SLC27A3: variants seen among roughly 807,000 people sequenced by gnomAD.
SLC27A3 encodes the protein long-chain fatty acid transport protein 3.
A neutral mutation model predicts 60.1 loss-of-function variants in SLC27A3; 60 were observed. The ratio of observed to expected loss-of-function variants is 1.00; its 90% CI spans 0.81 to 1.24. SLC27A3 has a LOEUF of 1.24. SLC27A3 is among the 50% of genes most tolerant of loss of function. SLC27A3 has a pLI of 0.00. For missense variants in SLC27A3, 1,079 were observed against 929.9 expected, an observed-to-expected ratio of 1.16 and a Z score of -2.09; for synonymous variants, 455 against 409.0, an observed-to-expected ratio of 1.11 and a Z score of -1.36.
intron 3 of SLC27A3, 78 bp from the exon 4 acceptor site, chr1:153,777,683 G>A: frequency 6.4e-7 from 1 of 1,551,060 alleles, no homozygotes; most frequent in Non-Finnish European, 8.9e-7. Context: ...GATGGCTGGG[G>A]TCTGGAAAGA....
Position 153,776,182 on chromosome 1 carries a change from A to G in SLC27A3, c.667+18A>G. 1 of 1,413,016 alleles carries G rather than the reference A, an allele frequency of 7.1e-7. No homozygotes were observed. The highest frequency in any genetic ancestry group is 9.1e-7 in the Non-Finnish European group (1 of 1,093,810). 87.5% of individuals were successfully genotyped at this position (1,413,016 alleles called of 1,614,324 possible). On this transcript the variant is annotated intron_variant, in intron 1 of 9. Coordinates refer to ENST00000624995, the MANE Select transcript of SLC27A3 (RefSeq NM_024330.4). ...GGCGCCAGGTAAGGCTGGAGCTCCG[A>G]ACTGACTAAGGCGGGGCCAGCCACA...
chr1:153,778,758 C>A lies in SLC27A3; in HGVS notation c.1519C>A (p.Leu507Met). The A allele has an allele frequency of 6.2e-7, 1 of 1,614,000 alleles. No individual in the cohort carries two copies. The highest frequency in any genetic ancestry group is 8.5e-7 in the Non-Finnish European group (1 of 1,180,008). The change falls in exon 7 of 10, where the codon CTG becomes ATG. Residue 507 changes from leucine (L) to methionine (M), a missense_variant. Leu to Met is a conservative substitution (Grantham distance 15). Coordinates refer to ENST00000624995, the MANE Select transcript of SLC27A3 (RefSeq NM_024330.4). ...PFLGYAGGPE[L>M]AQGKLLKDVF... is the part of the protein sequence containing the mutation. ...CCTGGGCTATGCTGGCGGGCCAGAG[C>A]TGGCCCAGGGGAAGTTGCTAAAGGA...
intron 4 of SLC27A3, 130 bp from the exon 5 acceptor site, chr1:153,778,031 C>G (rs770497451): frequency 4.1e-6 from 6 of 1,464,816 alleles, no homozygotes; most frequent in Non-Finnish European, 5.5e-6. Context: ...ATGGCCTAGG[C>G]CATCTGATGC....
chr1:153,779,774 C>A, intron 9 of SLC27A3, 52 bp from the exon 10 acceptor site: 2 of 1,561,428 alleles, frequency 1.3e-6, no homozygotes, highest in Non-Finnish European at 1.8e-6. Flanking sequence ...CTCCCCTGAA[C>A]CACGTGGGCA....
rs777253486 is a variant in SLC27A3 at position 153,775,977 on chromosome 1, C to T, written c.480C>T (p.Ala160=). 6.9e-7 allele frequency: 1 copy of T among 1,440,056 alleles called. No individual in the cohort carries two copies. Among genetic ancestry groups the T allele is most frequent in the Non-Finnish European group, 9.1e-7 (1 of 1,103,504 alleles). 89.2% of individuals were successfully genotyped at this position (1,440,056 alleles called of 1,614,324 possible). ...GGDGAARGGG[A]AAPLSPGATV... Reference sequence around the variant, plus strand: ...ACGGTGCCGCCAGAGGTGGAGGAGCCGCCGCCCCTCTGTCACCTGGAGCAA... The same window carrying T: ...ACGGTGCCGCCAGAGGTGGAGGAGCTGCCGCCCCTCTGTCACCTGGAGCAA... Residue 160 remains alanine (A), a synonymous_variant, in exon 1 of 10, where the codon GCC becomes GCT. Transcript: ENST00000624995.
At chr1:153,778,578 G>A (rs1673363785) in intron 6 of SLC27A3, 25 bp downstream of exon 6, 1 of 1,611,696 alleles carries the variant, frequency 6.2e-7, no homozygotes, top group South Asian at 1.1e-5. Context: ...GGTGGGGTGG[G>A]CGGGGTGCTG....
At chr1:153,779,725 C>T in intron 9 of SLC27A3, 101 bp from the exon 10 acceptor site, 1 of 1,202,938 alleles carries the variant, frequency 8.3e-7, no homozygotes, top group Non-Finnish European at 1.2e-6. Context: ...ACCTCACACT[C>T]CCTTTCCCAA....
chr1:153,779,328 T>A lies in SLC27A3; in HGVS notation c.1745-15T>A. 2 of 1,613,612 alleles carry A rather than the reference T, an allele frequency of 1.2e-6. No homozygotes were observed. Among genetic ancestry groups the A allele is most frequent in the East Asian group, 4.5e-5 (2 of 44,864 alleles). On this transcript the variant is annotated splice_polypyrimidine_tract_variant and intron_variant, in intron 8 of 9. Transcript: ENST00000624995. ...CAGCCATGGAGGGGCTTACTCTGTC[T>A]CCCACACCCACCAGGGCATGAAGGC...
In SLC27A3 at chr1:153,779,912, A is replaced by G. The variant is rs749867600; in HGVS notation, c.1962A>G (p.Pro654=). The change falls in exon 10 of 10, where the codon CCA becomes CCG. Residue 654 remains proline, a synonymous_variant. Coordinates refer to ENST00000624995, the MANE Select transcript of SLC27A3 (RefSeq NM_024330.4). ...TCGACCCCAGCACCCTGTCTGACCC[A>G]CTGTACGTTCTGGACCAGGCTGTAG... ...EGFDPSTLSD[P]LYVLDQAVGA... 3.8e-5 allele frequency: 61 copies of G among 1,613,722 alleles called. No individual in the cohort carries two copies. The highest frequency in any genetic ancestry group is 5.1e-5 in the Non-Finnish European group (60 of 1,179,994).
In SLC27A3 at chr1:153,778,902, G is replaced by C. The variant is rs757708496; in HGVS notation, c.1646+17G>C. The C allele has an allele frequency of 6.2e-7, 1 of 1,612,202 alleles. No homozygotes were observed. The highest frequency in any genetic ancestry group is 8.5e-7 in the Non-Finnish European group (1 of 1,178,354). Reference sequence around the variant, plus strand: ...CACCTTCAGGTATCTGTCCATAACTGGTTTTTCATCCTGGACATCTGATCT... The same window carrying C: ...CACCTTCAGGTATCTGTCCATAACTCGTTTTTCATCCTGGACATCTGATCT... On this transcript the variant is annotated intron_variant, in intron 7 of 9. Coordinates refer to ENST00000624995, the MANE Select transcript of SLC27A3 (RefSeq NM_024330.4).
intron 3 of SLC27A3, 33 bp downstream of exon 3, chr1:153,777,253 A>G: frequency 6.2e-7 from 1 of 1,612,100 alleles, no homozygotes; most frequent in Non-Finnish European, 8.5e-7. Flanking sequence ...TCATTAATTC[A>G]TCCAGTAGAC....
At position 153,778,893 on chromosome 1, in the gene SLC27A3, T is replaced by G. The variant is rs201053090; in HGVS notation, c.1646+8T>G. 20 of 1,613,624 alleles carry G rather than the reference T, an allele frequency of 1.2e-5. No homozygotes were observed. In the East Asian group the frequency reaches 4.2e-4, roughly 34 times the overall value. The stretch of plus-strand genomic sequence containing the variant: ...TACTGGAGACACCTTCAGGTATCTG[T>G]CCATAACTGGTTTTTCATCCTGGAC... On this transcript the variant is annotated splice_region_variant and intron_variant, in intron 7 of 9. Transcript: ENST00000624995.
At chr1:153,777,017 G>A in intron 2 of SLC27A3, 45 bp from the exon 3 acceptor site, 1 of 1,602,278 alleles carries the variant, frequency 6.2e-7, no homozygotes, top group South Asian at 1.1e-5. Flanking sequence ...GGTAGAGCTT[G>A]GAGTTTGCCC....
In SLC27A3 at chr1:153,775,997, G is replaced by T; in HGVS notation, c.500G>T (p.Gly167Val). 6.9e-7 allele frequency: 1 copy of T among 1,450,934 alleles called. No individual in the cohort carries two copies. The allele number at this position is 1,450,934 out of a possible 1,614,324, so 89.9% of individuals were successfully genotyped here. ...GGGAAAPLSP[G>V]ATVALLLPAG... ...GGAGCCGCCGCCCCTCTGTCACCTG[G>T]AGCAACTGTGGCGCTGCTCCTCCCC... The change falls in exon 1 of 10, where the codon GGA (glycine) becomes GTA (valine). Residue 167 changes from glycine (G) to valine (V), a missense_variant. Physicochemically the swap from Gly to Val is moderately radical, Grantham distance 109. Transcript: ENST00000624995.
At position 153,778,685 on chromosome 1, in the gene SLC27A3, A is replaced by G. The variant is rs1190443217; in HGVS notation, c.1448-2A>G. ...CACTCCTGACCCTGGTGACTCTGCC[A>G]GGTGAGCCAGGGCTGCTGGTGGCCC... On this transcript the variant is annotated splice_acceptor_variant, in intron 6 of 9. Transcript: ENST00000624995. LOFTEE classifies it high-confidence loss of function. 1 of 1,612,708 alleles carries G rather than the reference A, an allele frequency of 6.2e-7. No individual in the cohort carries two copies. The highest frequency in any genetic ancestry group is 1.3e-5 in the African/African-American group (1 of 74,920).
rs773235434 is a variant in SLC27A3 at position 153,775,636 on chromosome 1, C to G, written c.139C>G (p.Arg47Gly). 8 of 1,543,592 alleles carry G rather than the reference C, an allele frequency of 5.2e-6. No homozygotes were observed. Among genetic ancestry groups the G allele is most frequent in the South Asian group, 4.7e-5 (4 of 84,478 alleles). Residue 47 changes from arginine (R) to glycine (G), a missense_variant, in exon 1 of 10, where the codon CGA becomes GGA. Arg to Gly is a moderately radical substitution (Grantham distance 125). Coordinates refer to ENST00000624995, the MANE Select transcript of SLC27A3 (RefSeq NM_024330.4). ...VRALCCKRAL[R>G]ARALAAAAAD... ...AGCTCTGTGCTGCAAAAGGGCTCTT[C>G]GAGCTCGCGCCCTGGCCGCGGCTGC...
In SLC27A3 at chr1:153,778,798, G is replaced by A; in HGVS notation, c.1559G>A (p.Gly520Glu). Residue 520 changes from glycine (G) to glutamate (E), a missense_variant, in exon 7 of 10, where the codon GGG becomes GAG. Transcript: ENST00000624995. ...TTGCTAAAGGATGTCTTCCGGCCTG[G>A]GGATGTTTTCTTCAACACTGGGGAC... ...GKLLKDVFRPGDVFFNTGDLL... is the reference protein window; with the variant it reads ...GKLLKDVFRPEDVFFNTGDLL... The A allele has an allele frequency of 6.2e-7, 1 of 1,614,142 alleles. No individual in the cohort carries two copies. Among genetic ancestry groups the A allele is most frequent in the Non-Finnish European group, 8.5e-7 (1 of 1,180,024 alleles).
Position 153,775,864 on chromosome 1 carries a change from G to T in SLC27A3, c.367G>T (p.Gly123Cys), listed in dbSNP as rs748140586. Residue 123 changes from glycine to cysteine, a missense_variant, in exon 1 of 10, where the codon GGC (glycine) becomes TGC (cysteine). Physicochemically the swap from Gly to Cys is radical, Grantham distance 159. Coordinates refer to ENST00000624995, the MANE Select transcript of SLC27A3 (RefSeq NM_024330.4). ...CTGGGGACCCGACGGCGGCGACAGC[G>T]GCGAGGGGAGCGCTGGAGAAGGCGA... ...WDWGPDGGDS[G>C]EGSAGEGERA... 8.0e-6 allele frequency: 12 copies of T among 1,493,960 alleles called. No individual in the cohort carries two copies. Among genetic ancestry groups the T allele is most frequent in the Middle Eastern group, 2.0e-4 (1 of 5,090 alleles). 92.5% of individuals were successfully genotyped at this position (1,493,960 alleles called of 1,614,324 possible).
At position 153,778,185 on chromosome 1, in the gene SLC27A3, G is replaced by T; in HGVS notation, c.1186G>T (p.Val396Phe). The T allele has an allele frequency of 6.2e-7, 1 of 1,611,232 alleles. No homozygotes were observed. The highest frequency in any genetic ancestry group is 8.5e-7 in the Non-Finnish European group (1 of 1,179,842). The change falls in exon 5 of 10, where the codon GTC becomes TTC. Residue 396 changes from valine (V) to phenylalanine (F), a missense_variant. Physicochemically the swap from Val to Phe is conservative, Grantham distance 50. Coordinates refer to ENST00000624995, the MANE Select transcript of SLC27A3 (RefSeq NM_024330.4). Reference protein sequence around the residue: ...PPSKAERGHKVRLAVGSGLRP... With the variant: ...PPSKAERGHKFRLAVGSGLRP... ...GAGCAAGGCAGAACGTGGCCATAAG[G>T]TCCGGCTGGCAGTGGGCAGCGGGCT...
Sources: gnomAD v4.1 joint callset for allele counts on GRCh38, gnomAD v4.1.1 for gene constraint, MANE v1.5 for transcripts, NCBI Gene and HGNC (gene_info 2026-07-23, HGNC 2026-07-21) for gene names.